Variants in ORC5 observed in about 807,000 individuals in gnomAD.
ORC5 encodes the protein protein phosphatase 1, regulatory subunit 117.
In ORC5, 39 loss-of-function variants were observed where a neutral mutation model predicts 58.8. The observed-to-expected ratio is 0.66, with a 90% CI of 0.51 to 0.87. ORC5 has a LOEUF of 0.87. ORC5 is among the 40% of genes least tolerant of loss of function. The pLI, the probability that ORC5 is intolerant of heterozygous loss-of-function variation, is 0.00. For missense variants in ORC5, 493 were observed against 506.3 expected, an observed-to-expected ratio of 0.97 and a Z score of 0.25; for synonymous variants, 218 against 177.6, an observed-to-expected ratio of 1.23 and a Z score of -1.81.
intron 12 of ORC5, among the ~76,000 whole-genome samples, chr7:104,151,787 C>T (rs996659310): frequency 5.3e-5 from 8 of 152,146 alleles, no homozygotes; most frequent in Non-Finnish European, 7.4e-5. Context: ...AGAGCACTAG[C>T]GCCAAGGGAG....
At chr7:104,163,490 T>C (rs1038361397) in intron 11 of ORC5, among the ~76,000 whole-genome samples, 1 of 152,120 alleles carries the variant, frequency 6.6e-6, no homozygotes, top group Non-Finnish European at 1.5e-5. Context: ...TTTTGTTTTG[T>C]TTGTTTGTCT....
At chr7:104,173,150 A>G (rs1182352514) in intron 8 of ORC5, among the ~76,000 whole-genome samples, 1 of 152,178 alleles carries the variant, frequency 6.6e-6, no homozygotes, top group Admixed American at 6.5e-5. Context: ...ACCTTGCACA[A>G]AGGCCATCAT....
intron 8 of ORC5, among the ~76,000 whole-genome samples, chr7:104,169,292 C>G (rs570421356): frequency 7.3e-6 from 1 of 136,954 alleles, no homozygotes; most frequent in East Asian, 2.1e-4. Context: ...AGCTACGAGT[C>G]GAATCCTTGT....
Position 104,183,956 on chromosome 7 carries a change from T to G in ORC5, c.811A>C (p.Arg271=), listed in dbSNP as rs149345175. 2.4e-5 allele frequency: 39 copies of G among 1,607,746 alleles called. No homozygotes were observed. In the African/African-American group the frequency reaches 3.7e-4, roughly 15 times the overall value. ...LKKAMQTVYL[R]EISSSQWEKL... ...ATAGAAAATTACCTTGATATTTCCC[T>G]GAGATAAACAGTCTGCATAGCTTTC... The change falls in exon 8 of 14, where the codon AGG becomes CGG. Residue 271 remains arginine, a synonymous_variant. Coordinates refer to ENST00000297431, the MANE Select transcript of ORC5 (RefSeq NM_002553.4).
At chr7:104,159,602 C>G (rs1198703779) in intron 12 of ORC5, among the ~76,000 whole-genome samples, 3 of 121,650 alleles carry the variant, frequency 2.5e-5, no homozygotes, top group Non-Finnish European at 5.7e-5. Flanking sequence ...AAAACATGTA[C>G]TATCCTTCAC....
At chr7:104,160,784 T>G (rs1272600177) in intron 12 of ORC5, among the ~76,000 whole-genome samples, 1 of 152,154 alleles carries the variant, frequency 6.6e-6, no homozygotes, top group African/African-American at 2.4e-5. Flanking sequence ...GCCACTTGTT[T>G]AATTAGCAAG....
In ORC5 at chr7:104,204,151, T is replaced by A. The variant is rs2307413; in HGVS notation, c.156A>T (p.Lys52Asn). 4,521 of 1,554,398 alleles carry A rather than the reference T, an allele frequency of 2.9e-3. 128 individuals are homozygous for A. The African/African-American group carries it at 0.053, about 18-fold the overall frequency. Residue 52 changes from lysine (K) to asparagine (N), a missense_variant, in exon 2 of 14, where the codon AAA becomes AAT. By Grantham distance (94) the Lys-to-Asn change is moderately conservative. Coordinates refer to ENST00000297431, the MANE Select transcript of ORC5 (RefSeq NM_002553.4). ...GKTYVTQTLL[K>N]TLELPHVFVN... Reference sequence around the variant, plus strand: ...ATATTTTTATTCTTACCTCTAAAGTTTTCAACAACGTTTGTGTTACATAGG... The same window carrying A: ...ATATTTTTATTCTTACCTCTAAAGTATTCAACAACGTTTGTGTTACATAGG...
At chr7:104,131,032 T>C (rs546142883) in intron 13 of ORC5, among the ~76,000 whole-genome samples, 2 of 152,298 alleles carry the variant, frequency 1.3e-5, no homozygotes, top group Admixed American at 6.5e-5. Context: ...AGCACATGGA[T>C]TGGTGTTGGA....
chr7:104,159,169 C>T (rs1212308343), intron 12 of ORC5, among the ~76,000 whole-genome samples: 1 of 150,338 alleles, frequency 6.7e-6, no homozygotes, highest in African/African-American at 2.5e-5. Flanking sequence ...GAGTTCATGT[C>T]CTCTGTAGGG....
chr7:104,177,842 T>G (rs533558976), intron 8 of ORC5, among the ~76,000 whole-genome samples: 15 of 152,278 alleles, frequency 9.9e-5, no homozygotes, highest in Admixed American at 9.8e-4. Flanking sequence ...TGTTCCTATG[T>G]TAGTTTGCTG....
intron 12 of ORC5, among the ~76,000 whole-genome samples, chr7:104,150,626 G>C (rs1798828238): frequency 6.6e-6 from 1 of 151,540 alleles, no homozygotes; most frequent in African/African-American, 2.4e-5. Flanking sequence ...TTTATACACA[G>C]AGCAACTGAA....
At chr7:104,176,825 C>G (rs976385219) in intron 8 of ORC5, among the ~76,000 whole-genome samples, 1 of 151,994 alleles carries the variant, frequency 6.6e-6, no homozygotes, top group East Asian at 1.9e-4. Flanking sequence ...AAACTTTTGC[C>G]GGGATTTATG....
intron 12 of ORC5, among the ~76,000 whole-genome samples, chr7:104,140,599 G>C (rs1798656616): frequency 6.6e-6 from 1 of 152,154 alleles, no homozygotes; most frequent in Admixed American, 6.5e-5. Context: ...AGGTTCTCTG[G>C]GAGGAAAGAA....
intron 12 of ORC5, among the ~76,000 whole-genome samples, chr7:104,139,799 A>G (rs1477979553): frequency 2.0e-5 from 3 of 151,986 alleles, no homozygotes; most frequent in Non-Finnish European, 4.4e-5. Flanking sequence ...TTTGTTACAT[A>G]TATGTCTATT....
At chr7:104,162,441 C>T (rs1313371177) in intron 11 of ORC5, among the ~76,000 whole-genome samples, 1 of 152,122 alleles carries the variant, frequency 6.6e-6, no homozygotes, top group African/African-American at 2.4e-5. Context: ...GAATTACAGG[C>T]GTGAGCCAGT....
At chr7:104,204,045 G>A (rs1033767557) in intron 2 of ORC5, 97 bp downstream of exon 2, 5 of 584,576 alleles carry the variant, frequency 8.6e-6, no homozygotes, top group Admixed American at 6.4e-5. Flanking sequence ...ATGTAAAGGT[G>A]GTATGTTCAA....
chr7:104,191,119 G>GA (rs749674288), intron 5 of ORC5, among the ~76,000 whole-genome samples: 3,054 of 78,662 alleles, frequency 0.039, 57 homozygotes, highest in African/African-American at 0.083. Flanking sequence ...CAAAACTGCT[G>GA]AAAAAAAAAA....
intron 8 of ORC5, among the ~76,000 whole-genome samples, chr7:104,176,063 G>C (rs1395469282): frequency 6.6e-6 from 1 of 152,194 alleles, no homozygotes; most frequent in East Asian, 1.9e-4. Flanking sequence ...GACAAATAAA[G>C]TTTAGTCATG....
At chr7:104,189,572 A>G (rs1369918124) in intron 5 of ORC5, among the ~76,000 whole-genome samples, 1 of 152,124 alleles carries the variant, frequency 6.6e-6, no homozygotes, top group Non-Finnish European at 1.5e-5. Context: ...ATGACCAATG[A>G]TTTAATCAAA....
Sources: gnomAD v4.1 joint callset for allele counts (sites outside exome capture counted in the v4.1 genomes callset) on GRCh38, gnomAD v4.1.1 for gene constraint, MANE v1.5 for transcripts, NCBI Gene and HGNC (gene_info 2026-07-23, HGNC 2026-07-21) for gene names.